SLC28A3: variants seen among roughly 807,000 people sequenced by gnomAD.
The protein encoded by SLC28A3 is concentrative Na(+)-nucleoside cotransporter 3.
Under a neutral mutation model 84.2 loss-of-function variants are expected in SLC28A3, and 68 were observed. That is an observed-to-expected ratio of 0.81 (90% CI 0.66 to 0.99). SLC28A3 has a LOEUF of 0.99. Among genes scored for constraint, SLC28A3 ranks in the 50% least tolerant of loss-of-function variants. The probability of loss-of-function intolerance (pLI) is 0.00; values close to 1 mark genes in which losing one functional copy is unlikely to be tolerated. For synonymous variants in SLC28A3, 267 were observed against 303.6 expected (o/e 0.88, Z 1.25); for missense variants, 712 against 841.5 (o/e 0.85, Z 1.90).
chr9:84,300,301 T>C lies in SLC28A3; in HGVS notation c.525-576A>G, dbSNP rs549414973. 5.3e-5 allele frequency among the ~76,000 whole-genome samples: 8 copies of C among 152,246 alleles called. No individual in the cohort carries two copies. In the South Asian group the frequency reaches 1.7e-3, roughly 32 times the overall value. ...CAAAGGGGCCAGAGAGGAGATAGCA[T>C]GTTTGGAGAGGAATGTCTGGTGATT... is the stretch of plus-strand genomic sequence containing the variant. On this transcript the variant is annotated intron_variant, in intron 5 of 17. Coordinates refer to ENST00000376238, the MANE Select transcript of SLC28A3 (RefSeq NM_001199633.2).
chr9:84,279,118 A>T, intron 17 of SLC28A3, 147 bp downstream of exon 17: 2 of 606,070 alleles, frequency 3.3e-6, no homozygotes, highest in East Asian at 3.5e-5. Flanking sequence ...TCGATGAGTG[A>T]GCGGAGATTG....
chr9:84,304,958 G>C (rs760579242), intron 4 of SLC28A3, among the ~76,000 whole-genome samples: 1 of 152,148 alleles, frequency 6.6e-6, no homozygotes, highest in South Asian at 2.1e-4. Context: ...GGAGGCAGAG[G>C]TTGCAGTGAG....
intron 2 of SLC28A3, among the ~76,000 whole-genome samples, chr9:84,312,316 A>T (rs1387816728): frequency 1.3e-5 from 2 of 152,230 alleles, no homozygotes; most frequent in African/African-American, 4.8e-5. Context: ...TATGCATGGT[A>T]TGATTCCAAT....
At chr9:84,300,266 C>T (rs1825577103) in intron 5 of SLC28A3, among the ~76,000 whole-genome samples, 1 of 152,136 alleles carries the variant, frequency 6.6e-6, no homozygotes. Context: ...TTCACCTGTT[C>T]AAGGATGCAC....
intron 9 of SLC28A3, among the ~76,000 whole-genome samples, 189 bp downstream of exon 9, chr9:84,294,006 T>G (rs1333689828): frequency 6.6e-6 from 1 of 152,260 alleles, no homozygotes; most frequent in African/African-American, 2.4e-5. Flanking sequence ...TAGAAGCTCC[T>G]GAGATAAAAT....
intron 16 of SLC28A3, among the ~76,000 whole-genome samples, chr9:84,279,644 GGCTGGTCTCAAACTCCTGACA>G (rs1407041557): frequency 3.9e-5 from 6 of 152,158 alleles, no homozygotes; most frequent in Non-Finnish European, 7.3e-5. Context: ...ACGTTGGTCA[GGCTGGTCTCAAACTCCTGACA>G]GCTGGTCTCA....
At chr9:84,363,599 A>G in the SLC28A3 span, among the ~76,000 whole-genome samples, 2 of 152,200 alleles carry the variant, frequency 1.3e-5, no homozygotes, top group Non-Finnish European at 2.9e-5. Flanking sequence ...TCACTAGTAG[A>G]TGGGATTAGG....
Position 84,279,282 on chromosome 9 carries a change from G to C in SLC28A3, c.1932C>G (p.Cys644Trp). ...TACAATACCTGCTCAACAGACTTTGGCAACAAGCTATCACCTTGGTTGTGT... is the reference window on the plus strand; with the variant it reads ...TACAATACCTGCTCAACAGACTTTGCCAACAAGCTATCACCTTGGTTGTGT... ...PGNTTKVIAC[C>W]QSLLSSTVAK... Residue 644 changes from cysteine (C) to tryptophan (W), a missense_variant, in exon 17 of 18, where the codon TGC becomes TGG. Coordinates refer to ENST00000376238, the MANE Select transcript of SLC28A3 (RefSeq NM_001199633.2). 6.2e-7 allele frequency: 1 copy of C among 1,610,876 alleles called. No individual in the cohort carries two copies. The highest frequency in any genetic ancestry group is 8.5e-7 in the Non-Finnish European group (1 of 1,178,810).
At chr9:84,293,857 A>G (rs1045162585) in intron 9 of SLC28A3, among the ~76,000 whole-genome samples, 9 of 152,222 alleles carry the variant, frequency 5.9e-5, no homozygotes, top group Non-Finnish European at 1.0e-4. Context: ...AAAGAAAAAA[A>G]GATAAGCACA....
intron 1 of SLC28A3, among the ~76,000 whole-genome samples, chr9:84,331,644 C>A (rs1392848778): frequency 6.6e-6 from 1 of 152,204 alleles, no homozygotes; most frequent in Non-Finnish European, 1.5e-5. Flanking sequence ...TTCCACCCAA[C>A]TAACTTCAGA....
At chr9:84,355,783 C>A in the SLC28A3 span, among the ~76,000 whole-genome samples, 1 of 152,026 alleles carries the variant, frequency 6.6e-6, no homozygotes, top group South Asian at 2.1e-4. Flanking sequence ...TAGCTATTAT[C>A]ATTGTAAGTG....
chr9:84,307,875 C>G (rs1371716411), intron 3 of SLC28A3, among the ~76,000 whole-genome samples: 1 of 152,172 alleles, frequency 6.6e-6, no homozygotes, highest in African/African-American at 2.4e-5. Flanking sequence ...CTGAATAATT[C>G]CCAACCTCCT....
chr9:84,343,090 G>T (rs10119367), upstream of SLC28A3, among the ~76,000 whole-genome samples: 7,174 of 152,008 alleles, frequency 0.047, 314 homozygotes, highest in East Asian at 0.17. Context: ...TTGAACCCAG[G>T]AGGTGGAGGT....
At chr9:84,313,523 A>C in intron 1 of SLC28A3, 69 bp from the exon 2 acceptor site, 1 of 1,289,812 alleles carries the variant, frequency 7.8e-7, no homozygotes, top group South Asian at 1.2e-5. Context: ...TTCATGAAAA[A>C]TACCTAGAGG....
At chr9:84,360,865 G>C in the SLC28A3 span, among the ~76,000 whole-genome samples, 2 of 152,106 alleles carry the variant, frequency 1.3e-5, no homozygotes, top group African/African-American at 4.8e-5. Flanking sequence ...GCAGTGAGCT[G>C]TGATGGTGAG....
intron 14 of SLC28A3, among the ~76,000 whole-genome samples, chr9:84,281,217 T>C (rs988935662): frequency 6.6e-6 from 1 of 152,216 alleles, no homozygotes; most frequent in African/African-American, 2.4e-5. Flanking sequence ...ACAGGACTAG[T>C]TGCTGGAGAT....
chr9:84,354,726 A>G, the SLC28A3 span, among the ~76,000 whole-genome samples: 1 of 152,018 alleles, frequency 6.6e-6, no homozygotes, highest in African/African-American at 2.4e-5. Context: ...GTGTGCCTGT[A>G]ATCCCAGCTA....
intron 15 of SLC28A3, 77 bp downstream of exon 15, chr9:84,280,724 A>G (rs1321719686): frequency 2.1e-6 from 3 of 1,449,014 alleles, no homozygotes; most frequent in Non-Finnish European, 2.9e-6. Flanking sequence ...TTTCTGACAT[A>G]ACAGTACAGA....
chr9:84,320,040 G>GTTT lies in SLC28A3; in HGVS notation c.61-6589_61-6587dup, dbSNP rs1182939298. 2.7e-3 allele frequency among the ~76,000 whole-genome samples: 161 copies of GTTT among 59,574 alleles called. 36 individuals carry two copies. The highest frequency in any genetic ancestry group is 9.2e-3 in the African/African-American group (94 of 10,220). 39.1% of individuals were successfully genotyped at this position (59,574 alleles called of 152,430 possible). ...TACTCATTCCAGCCTGGCTTGCACT[G>GTTT]TTTTTTTTTTTTTTTTTTTTTTTTT... On this transcript the variant is annotated intron_variant, in intron 1 of 17. Transcript: ENST00000376238.
Sources: allele counts gnomAD v4.1 joint callset (sites outside exome capture counted in the v4.1 genomes callset), GRCh38; gene constraint gnomAD v4.1.1; transcripts MANE v1.5; gene names NCBI Gene and HGNC (gene_info 2026-07-23, HGNC 2026-07-21).